The following ATRX variants were observed in gnomAD, a reference collection of about 807,000 sequenced individuals.
The protein encoded by ATRX is ATRX chromatin remodeler.
A neutral mutation model predicts 172.6 loss-of-function variants in ATRX; 12 were observed. The observed-to-expected ratio is 0.07, with a 90% CI of 0.04 to 0.11. The LOEUF (loss-of-function observed/expected upper bound fraction) is 0.11. ATRX is among the 10% of genes least tolerant of loss of function. ATRX has a pLI of 1.00. For missense variants in ATRX, 1,368 were observed against 1,767.4 expected, an observed-to-expected ratio of 0.77 and a Z score of 4.05; for synonymous variants, 674 against 594.7, an observed-to-expected ratio of 1.13 and a Z score of -1.94.
intron 9 of ATRX, 70 bp downstream of exon 9, chrX:77,681,450 G>T: frequency 9.6e-7 from 1 of 1,041,759 alleles, no homozygotes; most frequent in Non-Finnish European, 1.3e-6. Flanking sequence ...AGCTTCAGAG[G>T]AAATTAAACA....
chrX:77,580,080 G>A (rs1042162067), intron 27 of ATRX, among the ~76,000 whole-genome samples: 34 of 111,612 alleles, frequency 3.0e-4, no homozygotes, highest in Non-Finnish European at 5.1e-4. Flanking sequence ...AAGAATTAGT[G>A]AGCCTGAAGA....
chrX:77,650,833 C>T (rs1557116303), intron 15 of ATRX, among the ~76,000 whole-genome samples: 2 of 111,643 alleles, frequency 1.8e-5, no homozygotes, highest in Admixed American at 1.9e-4. Context: ...GGTGATCCAC[C>T]CGCCTCAGCC....
intron 1 of ATRX, among the ~76,000 whole-genome samples, chrX:77,775,730 T>C (rs2076326610): frequency 1.8e-5 from 2 of 108,931 alleles, no homozygotes; most frequent in African/African-American, 6.6e-5. Context: ...TTTATTTATT[T>C]ATTTATTTAT....
intron 28 of ATRX, among the ~76,000 whole-genome samples, chrX:77,567,906 C>T (rs781911477): frequency 9.0e-6 from 1 of 110,731 alleles, no homozygotes; most frequent in African/African-American, 3.3e-5. Context: ...AACCTCCAAA[C>T]GCATGGAAAT....
chrX:77,716,323 A>ATATCTATATATAT (rs782067024), intron 2 of ATRX, among the ~76,000 whole-genome samples: 1 of 21,039 alleles, frequency 4.8e-5, no homozygotes, highest in Non-Finnish European at 8.8e-5. Flanking sequence ...AAAAAAAAAA[A>ATATCTATATATAT]ATATATATAT....
At chrX:77,520,715 T>TGTC (rs2063201878) in intron 34 of ATRX, 73 bp downstream of exon 34, 1 of 1,067,418 alleles carries the variant, frequency 9.4e-7, no homozygotes, top group Non-Finnish European at 1.3e-6. Context: ...CTGACGTAGA[T>TGTC]GTCATACAAA....
chrX:77,781,339 G>A (rs1471579515), intron 1 of ATRX, among the ~76,000 whole-genome samples: 1 of 107,724 alleles, frequency 9.3e-6, no homozygotes, highest in Non-Finnish European at 1.9e-5. Context: ...CTACTCGGGA[G>A]GCTGAGGCAG....
intron 22 of ATRX, among the ~76,000 whole-genome samples, chrX:77,605,505 C>CA (rs781855040): frequency 4.1e-4 from 45 of 109,929 alleles, no homozygotes; most frequent in African/African-American, 1.4e-3. Flanking sequence ...AAAAACCTCC[C>CA]AACAAAAATC....
chrX:77,778,594 G>A lies in ATRX; in HGVS notation c.20+7388C>T, dbSNP rs782791881. Among the ~76,000 whole-genome samples, 386 of 108,689 alleles carry A rather than the reference G, an allele frequency of 3.6e-3. 1 individual carries two copies. Among genetic ancestry groups the A allele is most frequent in the Non-Finnish European group, 5.9e-3 (309 of 52,357 alleles). 94.4% of individuals were successfully genotyped at this position (108,689 alleles called of 115,157 possible). A position where few individuals can be genotyped will look rare whatever the true frequency, so the allele number is the denominator to read the frequency against. On this transcript the variant is annotated intron_variant, in intron 1 of 34. Coordinates refer to ENST00000373344, the MANE Select transcript of ATRX (RefSeq NM_000489.6). ...AAATTAGCTAGGCATGGTGGCACAC[G>A]CCTGTAGTCCAAGCTACTCGGGAAG...
At chrX:77,728,144 G>A (rs1252273604) in intron 1 of ATRX, 3 of 109,218 alleles carry the variant, frequency 2.7e-5, no homozygotes, top group Non-Finnish European at 5.7e-5. Context: ...TTTGAGAGGC[G>A]GAGATGGGAG....
intron 34 of ATRX, 45 bp from the exon 35 acceptor site, chrX:77,508,674 C>T: frequency 8.4e-7 from 1 of 1,191,325 alleles, no homozygotes; most frequent in Middle Eastern, 2.5e-4. Flanking sequence ...TGACCTGTCT[C>T]AAAAGAGGTA....
chrX:77,606,776 CCA>C (rs1185510899), intron 22 of ATRX, among the ~76,000 whole-genome samples: 5 of 103,969 alleles, frequency 4.8e-5, no homozygotes, highest in Admixed American at 3.1e-4. Flanking sequence ...AAAAAAAAAC[CCA>C]CACACACACA....
chrX:77,671,905 T>C (rs2070640266), intron 10 of ATRX, among the ~76,000 whole-genome samples: 1 of 110,923 alleles, frequency 9.0e-6, no homozygotes, highest in African/African-American at 3.3e-5. Context: ...AGGTCACCAC[T>C]ACACATCATA....
chrX:77,785,870 G>A, intron 1 of ATRX, 112 bp downstream of exon 1: 1 of 980,197 alleles, frequency 1.0e-6, no homozygotes. Flanking sequence ...TGCCTCTTTC[G>A]GCTAAGCAAC....
Position 77,663,528 on chromosome X carries a change from T to G in ATRX, c.3974A>C (p.Asp1325Ala). 1 of 1,210,448 alleles carries G rather than the reference T, an allele frequency of 8.3e-7. No homozygotes were observed. The highest frequency in any genetic ancestry group is 1.1e-6 in the Non-Finnish European group (1 of 894,540). The change falls in exon 12 of 35, where the codon GAT becomes GCT. Residue 1325 changes from aspartate (D) to alanine (A), a missense_variant. Around this residue, in one of 17 missense-constraint regions of ATRX, gnomAD observed 119 missense variants for 131.3 expected, o/e 0.91. Coordinates refer to ENST00000373344, the MANE Select transcript of ATRX (RefSeq NM_000489.6). ...EAKNQVNSESDSDSEESKKPR... is the reference protein window; with the variant it reads ...EAKNQVNSESASDSEESKKPR... ...CTTCTTAGATTCTTCAGAATCTGAA[T>G]CTGATTCAGAATTGACTTGATTTTT...
intron 32 of ATRX, chrX:77,521,915 A>C: frequency 4.3e-6 from 1 of 232,619 alleles, no homozygotes; most frequent in Non-Finnish European, 7.7e-6. Context: ...ATAGAAGTTA[A>C]TGAGTATATT....
At chrX:77,726,651 G>T (rs1246379871) in intron 1 of ATRX, among the ~76,000 whole-genome samples, 1 of 111,485 alleles carries the variant, frequency 9.0e-6, no homozygotes, top group Non-Finnish European at 1.9e-5. Context: ...GAGAAAAGTG[G>T]GTTCAGCCTT....
At chrX:77,522,124 A>G in intron 32 of ATRX, 139 bp downstream of exon 32, 1 of 923,530 alleles carries the variant, frequency 1.1e-6, no homozygotes, top group Non-Finnish European at 1.6e-6. Flanking sequence ...ACGGTCAACA[A>G]ATAAAACAAA....
chrX:77,594,089 G>C (rs1602706897), intron 25 of ATRX: 1 of 323,939 alleles, frequency 3.1e-6, no homozygotes, highest in Non-Finnish European at 5.4e-6. Flanking sequence ...CCAAATAAGA[G>C]AACAAGCAAG....
Sources: allele counts gnomAD v4.1 joint callset (sites outside exome capture counted in the v4.1 genomes callset), GRCh38; gene constraint gnomAD v4.1.1; regional missense constraint gnomAD v4.1.1; transcripts MANE v1.5; gene names NCBI Gene and HGNC (gene_info 2026-07-23, HGNC 2026-07-21).